PLEKHA5: variants seen among roughly 807,000 people sequenced by gnomAD.
PLEKHA5 encodes pleckstrin homology domain-containing family A member 5.
In PLEKHA5, 55 loss-of-function variants were observed where a neutral mutation model predicts 181.9. The ratio of observed to expected loss-of-function variants is 0.30; its 90% CI spans 0.24 to 0.38. PLEKHA5 has a LOEUF of 0.38. PLEKHA5 is among the 10% of genes least tolerant of loss of function. The probability of loss-of-function intolerance (pLI) is 1.00; values close to 1 mark genes in which losing one functional copy is unlikely to be tolerated. For missense variants in PLEKHA5, 1,432 were observed against 1,549.5 expected (o/e 0.92, Z 1.27); for synonymous variants, 535 against 529.4 (o/e 1.01, Z -0.15).
intron 3 of PLEKHA5, chr12:19,243,164 CT>C (rs1480015955): frequency 5.3e-5 from 8 of 152,160 alleles, no homozygotes; most frequent in African/African-American, 1.9e-4. Flanking sequence ...GAAAGTATGG[CT>C]TTATTCTGTT....
chr12:19,339,894 A>G (rs1425749626), intron 21 of PLEKHA5, among the ~76,000 whole-genome samples: 1 of 152,234 alleles, frequency 6.6e-6, no homozygotes, highest in East Asian at 1.9e-4. Flanking sequence ...AAAACACGCT[A>G]TATAAGTGTT....
At chr12:19,312,386 C>T (rs2086866596) in intron 15 of PLEKHA5, among the ~76,000 whole-genome samples, 1 of 152,216 alleles carries the variant, frequency 6.6e-6, no homozygotes, top group Non-Finnish European at 1.5e-5. Context: ...ATCTGATTCC[C>T]ATACAAGGCT....
chr12:19,145,767 C>T (rs1424252215), intron 3 of PLEKHA5, among the ~76,000 whole-genome samples: 1 of 151,684 alleles, frequency 6.6e-6, no homozygotes, highest in Non-Finnish European at 1.5e-5. Flanking sequence ...TTTTATAAAA[C>T]AGTTGTTTTA....
intron 3 of PLEKHA5, among the ~76,000 whole-genome samples, chr12:19,165,625 A>T (rs2044172673): frequency 6.6e-6 from 1 of 152,174 alleles, no homozygotes; most frequent in Non-Finnish European, 1.5e-5. Flanking sequence ...AGTACAGAAG[A>T]GTTAAACTAG....
intron 3 of PLEKHA5, chr12:19,200,312 T>C: frequency 6.6e-7 from 1 of 1,524,874 alleles, no homozygotes; most frequent in Non-Finnish European, 8.8e-7. Context: ...TTTTTTATCC[T>C]TTATCCTTCC....
chr12:19,290,889 G>A, intron 14 of PLEKHA5, 93 bp downstream of exon 14: 1 of 1,136,398 alleles, frequency 8.8e-7, no homozygotes, highest in Non-Finnish European at 1.2e-6. Context: ...TTAGTGTTGA[G>A]CATGAGCCCA....
chr12:19,263,160 A>G (rs1485357167), intron 7 of PLEKHA5, among the ~76,000 whole-genome samples: 1 of 150,152 alleles, frequency 6.7e-6, no homozygotes, highest in Non-Finnish European at 1.5e-5. Flanking sequence ...CAGTGAGATC[A>G]TAATAGCCTA....
At chr12:19,358,862 TA>T (rs1337822207) in intron 27 of PLEKHA5, among the ~76,000 whole-genome samples, 1 of 152,198 alleles carries the variant, frequency 6.6e-6, no homozygotes, top group African/African-American at 2.4e-5. Flanking sequence ...AGAGAGCTTC[TA>T]AATAAAGTTC....
chr12:19,260,936 T>G lies in PLEKHA5; in HGVS notation c.538-13T>G. ...TTTGAGAAATAATCCTTAAATATGC[T>G]GATTTAATCCAGGACAGTACTGGCA... On this transcript the variant is annotated splice_polypyrimidine_tract_variant and intron_variant, in intron 6 of 31. Transcript: ENST00000429027. 1 of 1,485,928 alleles carries G rather than the reference T, an allele frequency of 6.7e-7. No individual in the cohort carries two copies. The allele number at this position is 1,485,928 out of a possible 1,614,324, so 92.0% of individuals were successfully genotyped here. A position where few individuals can be genotyped will look rare whatever the true frequency, so the allele number is the denominator to read the frequency against.
At chr12:19,323,328 G>T (rs1020279645) in intron 20 of PLEKHA5, among the ~76,000 whole-genome samples, 2 of 152,076 alleles carry the variant, frequency 1.3e-5, no homozygotes, top group Admixed American at 6.6e-5. Context: ...TTCAAGACCA[G>T]CCTGACCAGC....
At chr12:19,170,157 C>G (rs944770661) in intron 3 of PLEKHA5, among the ~76,000 whole-genome samples, 2 of 152,106 alleles carry the variant, frequency 1.3e-5, no homozygotes, top group Non-Finnish European at 2.9e-5. Context: ...AACCCCAATC[C>G]CAGTATCTGG....
At chr12:19,155,982 T>A (rs2041592664) in intron 3 of PLEKHA5, among the ~76,000 whole-genome samples, 2 of 152,200 alleles carry the variant, frequency 1.3e-5, no homozygotes, top group Admixed American at 6.5e-5. Context: ...AACCCAGAAG[T>A]TCAGAGAAGG....
At chr12:19,192,869 T>C (rs2051534875) in intron 3 of PLEKHA5, among the ~76,000 whole-genome samples, 1 of 152,196 alleles carries the variant, frequency 6.6e-6, no homozygotes, top group Non-Finnish European at 1.5e-5. Flanking sequence ...ATACTTTCGA[T>C]TAGGGGTTAG....
chr12:19,292,144 G>T (rs2078606206), intron 15 of PLEKHA5, among the ~76,000 whole-genome samples: 1 of 152,212 alleles, frequency 6.6e-6, no homozygotes, highest in African/African-American at 2.4e-5. Flanking sequence ...AATGGCTCAT[G>T]CCTGTAATCC....
chr12:19,176,511 G>C (rs1404620820), intron 3 of PLEKHA5: 1 of 152,020 alleles, frequency 6.6e-6, no homozygotes, highest in African/African-American at 2.4e-5. Flanking sequence ...GCTGCAGCCC[G>C]GAACTTTTGG....
At chr12:19,193,245 G>A (rs1300912412) in intron 3 of PLEKHA5, among the ~76,000 whole-genome samples, 1 of 152,124 alleles carries the variant, frequency 6.6e-6, no homozygotes, top group East Asian at 1.9e-4. Flanking sequence ...TAGAAGAGGG[G>A]CAGAATATAG....
chr12:19,155,005 A>G (rs900903845), intron 3 of PLEKHA5, among the ~76,000 whole-genome samples: 3 of 152,212 alleles, frequency 2.0e-5, no homozygotes, highest in African/African-American at 7.2e-5. Context: ...GGCATCAGAA[A>G]GAAAATGAGG....
intron 3 of PLEKHA5, among the ~76,000 whole-genome samples, chr12:19,227,755 G>A (rs1337138270): frequency 6.6e-6 from 1 of 152,178 alleles, no homozygotes; most frequent in African/African-American, 2.4e-5. Flanking sequence ...AAGAAAAAAA[G>A]AATGGGCAGT....
chr12:19,248,520 T>C (rs1311874435), intron 3 of PLEKHA5, among the ~76,000 whole-genome samples: 2 of 152,180 alleles, frequency 1.3e-5, no homozygotes, highest in African/African-American at 2.4e-5. Context: ...TGTTTAGATA[T>C]ATTTAGATAC....
Sources: gnomAD v4.1 joint callset for allele counts (sites outside exome capture counted in the v4.1 genomes callset) on GRCh38, gnomAD v4.1.1 for gene constraint, MANE v1.5 for transcripts, NCBI Gene and HGNC (gene_info 2026-07-23, HGNC 2026-07-21) for gene names.